Variants in FANCC observed in about 807,000 individuals in gnomAD.
The protein encoded by FANCC is FA complementation group C.
FANCC carries 55 observed loss-of-function variants against 71.3 expected under a neutral mutation model. That is an observed-to-expected ratio of 0.77 (90% confidence interval 0.62 to 0.97). The LOEUF (loss-of-function observed/expected upper bound fraction) is 0.97. Ranked by LOEUF, FANCC falls within the 50% of genes least tolerant of loss-of-function variation. The pLI is 0.00. For missense variants in FANCC, 678 were observed against 670.9 expected, an observed-to-expected ratio of 1.01 and a Z score of -0.12; for synonymous variants, 275 against 244.9, an observed-to-expected ratio of 1.12 and a Z score of -1.15.
chr9:95,146,842 C>T (rs1033306803), intron 7 of FANCC, among the ~76,000 whole-genome samples: 3 of 151,792 alleles, frequency 2.0e-5, no homozygotes, highest in Non-Finnish European at 2.9e-5. Flanking sequence ...AACTGAGATG[C>T]GTTAAAAGAA....
chr9:95,293,950 G>A lies in FANCC; in HGVS notation c.-79+23576C>T, dbSNP rs1007588677. On this transcript the variant is annotated intron_variant, in intron 1 of 14. Transcript: ENST00000289081. ...AAGTAACATTATAAGCAACAGTTTA[G>A]TAGCAGAGATAGTAACTCATAGTTT... is the stretch of plus-strand genomic sequence containing the variant. 3.2e-6 allele frequency: 5 copies of A among 1,585,848 alleles called. No homozygotes were observed. The African/African-American group carries it at 5.4e-5, about 17-fold the overall frequency.
chr9:95,103,015 C>T (rs147764426), intron 14 of FANCC, among the ~76,000 whole-genome samples: 103 of 152,312 alleles, frequency 6.8e-4, no homozygotes, highest in African/African-American at 2.4e-3. Context: ...TTGGTTTTTA[C>T]TCAGAAATGA....
At position 95,195,253 on chromosome 9, in the gene FANCC, T is replaced by C. The variant is rs1364311845; in HGVS notation, c.346-23106A>G. Among the ~76,000 whole-genome samples the C allele has an allele frequency of 3.3e-5, 5 of 150,836 alleles. No individual in the cohort carries two copies. The East Asian group carries it at 9.7e-4, about 29-fold the overall frequency. On this transcript the variant is annotated intron_variant, in intron 4 of 14. Coordinates refer to ENST00000289081, the MANE Select transcript of FANCC (RefSeq NM_000136.3). The stretch of plus-strand genomic sequence containing the variant: ...ATGCCTAGTTCCAGAGCCTTTTTTT[T>C]TTTTTTTGAAAAGTTTTATAGTTTT...
intron 1 of FANCC, among the ~76,000 whole-genome samples, chr9:95,274,920 A>C (rs1437331276): frequency 6.6e-6 from 1 of 152,144 alleles, no homozygotes; most frequent in Non-Finnish European, 1.5e-5. Context: ...TATGTATGAT[A>C]CAAGTTCAGC....
Position 95,239,895 on chromosome 9 carries a change from T to C in FANCC, c.345+754A>G, listed in dbSNP as rs117846926. On this transcript the variant is annotated intron_variant, in intron 4 of 14. Transcript: ENST00000289081. ...ATTTCATAATACTAAGCAGCTGATC[T>C]GAACCACAAGCATACTAAGTGGAGT... Among the ~76,000 whole-genome samples, 39 of 152,348 alleles carry C rather than the reference T, an allele frequency of 2.6e-4. No homozygotes were observed. In the East Asian group the frequency reaches 7.5e-3, roughly 29 times the overall value.
chr9:95,302,001 G>C (rs1336605219), intron 1 of FANCC, among the ~76,000 whole-genome samples: 2 of 143,906 alleles, frequency 1.4e-5, no homozygotes, highest in Non-Finnish European at 3.0e-5. Flanking sequence ...AGAATGGCAG[G>C]AACCCGGGAG....
At chr9:95,160,392 T>G (rs896866438) in intron 6 of FANCC, among the ~76,000 whole-genome samples, 4 of 152,192 alleles carry the variant, frequency 2.6e-5, no homozygotes, top group Admixed American at 2.6e-4. Context: ...TCTATATCTC[T>G]GTTTTGGTAC....
At chr9:95,174,638 T>C (rs947475840) in intron 4 of FANCC, among the ~76,000 whole-genome samples, 1 of 152,150 alleles carries the variant, frequency 6.6e-6, no homozygotes, top group Non-Finnish European at 1.5e-5. Flanking sequence ...TTTGAAAAAG[T>C]TTTATTTGGA....
At chr9:95,292,986 G>T in intron 1 of FANCC, 1 of 1,580,090 alleles carries the variant, frequency 6.3e-7, no homozygotes, top group Non-Finnish European at 8.7e-7. Context: ...CGAGATCCCT[G>T]CAGAACACAG....
chr9:95,283,123 C>T lies in FANCC; in HGVS notation c.-78-33754G>A, dbSNP rs897824125. 4.6e-5 allele frequency among the ~76,000 whole-genome samples: 7 copies of T among 152,280 alleles called. No individual in the cohort carries two copies. In the East Asian group the frequency reaches 5.8e-4, roughly 13 times the overall value. On this transcript the variant is annotated intron_variant, in intron 1 of 14. Transcript: ENST00000289081. ...TGAACAGATGGCTCTTCCTCTGTTGCCCAGACTGGTGTGCAGTGGCACAAT... is the reference window on the plus strand; with the variant it reads ...TGAACAGATGGCTCTTCCTCTGTTGTCCAGACTGGTGTGCAGTGGCACAAT...
In FANCC at chr9:95,237,103, T is replaced by TA. The variant is rs1830361953; in HGVS notation, c.345+3545dup. On this transcript the variant is annotated intron_variant, in intron 4 of 14. Transcript: ENST00000289081. ...AATAATTAATATGTTAATAAATTGT[T>TA]AAGAGTTAAATCATTAATATGTTCC... Among the ~76,000 whole-genome samples, 3 of 152,232 alleles carry TA rather than the reference T, an allele frequency of 2.0e-5. No individual in the cohort carries two copies. In the South Asian group the frequency reaches 6.2e-4, roughly 32 times the overall value.
intron 14 of FANCC, among the ~76,000 whole-genome samples, chr9:95,103,721 C>T (rs4647548): frequency 0.023 from 3,466 of 152,272 alleles, 132 homozygotes; most frequent in African/African-American, 0.078. Flanking sequence ...AAGAGGATTC[C>T]GGGACAGCCG....
chr9:95,256,861 A>G (rs532313765), intron 1 of FANCC, among the ~76,000 whole-genome samples: 1 of 150,230 alleles, frequency 6.7e-6, no homozygotes, highest in East Asian at 1.9e-4. Context: ...AAATGGAAAG[A>G]AAAAAAAAAG....
chr9:95,273,346 G>A (rs562009236), intron 1 of FANCC, among the ~76,000 whole-genome samples: 1 of 152,260 alleles, frequency 6.6e-6, no homozygotes, highest in South Asian at 2.1e-4. Context: ...AGACTCTATT[G>A]CACTAGATTC....
intron 1 of FANCC, among the ~76,000 whole-genome samples, chr9:95,314,450 G>A (rs1329060532): frequency 2.0e-5 from 3 of 152,110 alleles, no homozygotes; most frequent in African/African-American, 7.2e-5. Context: ...TCAGGAGTTT[G>A]AGACCAGCCT....
In FANCC at chr9:95,114,663, G is replaced by A. The variant is rs2134631293; in HGVS notation, c.1120C>T (p.Leu374=). Residue 374 remains leucine (L), a synonymous_variant, in exon 12 of 15, where the codon CTG becomes TTG. Coordinates refer to ENST00000289081, the MANE Select transcript of FANCC (RefSeq NM_000136.3). ...TGGTCTTCAACTGCTTCTCTGAGCA[G>A]TTCAGAAATATGCTTCAGTGTCTGG... is the stretch of plus-strand genomic sequence containing the variant. ...WLQTLKHISE[L]LREAVEDQTH... 6.2e-7 allele frequency: 1 copy of A among 1,614,206 alleles called. No individual in the cohort carries two copies. Among genetic ancestry groups the A allele is most frequent in the Non-Finnish European group, 8.5e-7 (1 of 1,180,042 alleles).
At chr9:95,123,392 C>A in intron 10 of FANCC, 1 of 440,326 alleles carries the variant, frequency 2.3e-6, no homozygotes, top group Non-Finnish European at 4.5e-6. Flanking sequence ...GTAACCCCAG[C>A]ACTTTGGGAG....
intron 1 of FANCC, among the ~76,000 whole-genome samples, chr9:95,279,741 A>G (rs1457469921): frequency 6.6e-6 from 1 of 152,146 alleles, no homozygotes; most frequent in Non-Finnish European, 1.5e-5. Context: ...TGAGGTCAAG[A>G]GTTCAAGACC....
At chr9:95,184,146 A>C (rs1238114483) in intron 4 of FANCC, among the ~76,000 whole-genome samples, 1 of 152,142 alleles carries the variant, frequency 6.6e-6, no homozygotes, top group African/African-American at 2.4e-5. Flanking sequence ...CATTAAAAAA[A>C]TTTAATGTAA....
Sources: allele counts gnomAD v4.1 joint callset (sites outside exome capture counted in the v4.1 genomes callset), GRCh38; gene constraint gnomAD v4.1.1; transcripts MANE v1.5; gene names NCBI Gene and HGNC (gene_info 2026-07-23, HGNC 2026-07-21).